ST6GAL2: variants seen among roughly 807,000 people sequenced by gnomAD.
ST6GAL2 encodes the protein beta-galactoside alpha-2,6-sialyltransferase 2.
Under a neutral mutation model 37.5 loss-of-function variants are expected in ST6GAL2, and 24 were observed. The ratio of observed to expected loss-of-function variants is 0.64; its 90% CI spans 0.46 to 0.90. The LOEUF (loss-of-function observed/expected upper bound fraction) is 0.90, where lower values mean the gene tolerates loss of function less well. Among genes scored for constraint, ST6GAL2 ranks in the 40% least tolerant of loss-of-function variants. The pLI is 0.00. For synonymous variants in ST6GAL2, 306 were observed against 295.1 expected (o/e 1.04, Z -0.38); for missense variants, 715 against 712.7 (o/e 1.00, Z -0.04).
At position 106,831,909 on chromosome 2, in the gene ST6GAL2, G is replaced by A. The variant is rs368759618; in HGVS notation, c.1143+656C>T. On this transcript the variant is annotated intron_variant, in intron 4 of 5. Transcript: ENST00000409382. ...GGCTAAATACTATCCATCTTTTCCA[G>A]CCCTCACTGATAAACAAGCATGCTG... Among the ~76,000 whole-genome samples, 36 of 152,252 alleles carry A rather than the reference G, an allele frequency of 2.4e-4. No homozygotes were observed. The South Asian group carries it at 6.2e-3, about 26-fold the overall frequency.
intron 2 of ST6GAL2, among the ~76,000 whole-genome samples, chr2:106,836,548 T>A (rs1032990050): frequency 6.6e-6 from 1 of 151,908 alleles, no homozygotes; most frequent in Non-Finnish European, 1.5e-5. Context: ...CTGAAAACTA[T>A]CAGCTAGGCA....
At position 106,806,929 on chromosome 2, in the gene ST6GAL2, T is replaced by C; in HGVS notation, c.1339A>G (p.Met447Val). Reference protein sequence around the residue: ...GFIGILIMMSMCREVHVYEYI... With the variant: ...GFIGILIMMSVCREVHVYEYI... ...TCATACACGTGCACCTCTCTGCACA[T>C]GGACATCATTATGAGGATTCCTGAC... Residue 447 changes from methionine to valine, a missense_variant, in exon 6 of 6, where the codon ATG (methionine) becomes GTG (valine). By Grantham distance (21) the Met-to-Val change is conservative. Transcript: ENST00000409382. The C allele has an allele frequency of 6.2e-7, 1 of 1,612,160 alleles. No homozygotes were observed. The highest frequency in any genetic ancestry group is 8.5e-7 in the Non-Finnish European group (1 of 1,178,434).
At position 106,843,138 on chromosome 2, in the gene ST6GAL2, C is replaced by T; in HGVS notation, c.840G>A (p.Val280=). 3 of 1,562,380 alleles carry T rather than the reference C, an allele frequency of 1.9e-6. No individual in the cohort carries two copies. The highest frequency in any genetic ancestry group is 2.6e-6 in the Non-Finnish European group (3 of 1,157,040). Residue 280 remains valine, a synonymous_variant, in exon 2 of 6, where the codon GTG becomes GTA. Coordinates refer to ENST00000409382, the MANE Select transcript of ST6GAL2 (RefSeq NM_001142351.2). ...PFSALGWRRL[V]PAVPLSQLHP... is the part of the protein sequence containing the mutation. ...GCAGCTGGCTCAGGGGCACGGCGGGCACCAGGCGCCGCCAGCCCAGCGCAG... is the reference window on the plus strand; with the variant it reads ...GCAGCTGGCTCAGGGGCACGGCGGGTACCAGGCGCCGCCAGCCCAGCGCAG...
Position 106,843,018 on chromosome 2 carries a change from C to G in ST6GAL2, c.943+17G>C. ...TGGCTCAAGACAGGGCGACCTGGTCCCCCCGCTGAGACCTACCTATTTCCT... is the reference window on the plus strand; with the variant it reads ...TGGCTCAAGACAGGGCGACCTGGTCGCCCCGCTGAGACCTACCTATTTCCT... On this transcript the variant is annotated intron_variant, in intron 2 of 5. Transcript: ENST00000409382. 7.3e-7 allele frequency: 1 copy of G among 1,377,624 alleles called. No individual in the cohort carries two copies. The highest frequency in any genetic ancestry group is 9.4e-7 in the Non-Finnish European group (1 of 1,061,664). The allele number at this position is 1,377,624 out of a possible 1,614,324, so 85.3% of individuals were successfully genotyped here. A position where few individuals can be genotyped will look rare whatever the true frequency, so the allele number is the denominator to read the frequency against.
chr2:106,873,695 T>G (rs758708170), intron 1 of ST6GAL2, among the ~76,000 whole-genome samples: 6 of 152,218 alleles, frequency 3.9e-5, no homozygotes, highest in Non-Finnish European at 5.9e-5. Flanking sequence ...AAATGAGAAT[T>G]TCAGGTTTTC....
At chr2:106,855,042 A>G (rs1364689096) in intron 1 of ST6GAL2, among the ~76,000 whole-genome samples, 4 of 152,160 alleles carry the variant, frequency 2.6e-5, no homozygotes, top group Non-Finnish European at 2.9e-5. Context: ...TGAGCTTATT[A>G]TAATTTATGC....
chr2:106,884,848 T>A (rs1383856920), intron 1 of ST6GAL2, among the ~76,000 whole-genome samples: 2 of 146,508 alleles, frequency 1.4e-5, no homozygotes, highest in Non-Finnish European at 3.0e-5. Flanking sequence ...TAAAAACAGG[T>A]TCAAGGCCAC....
intron 5 of ST6GAL2, among the ~76,000 whole-genome samples, chr2:106,824,167 A>G (rs1366193273): frequency 6.6e-6 from 1 of 152,234 alleles, no homozygotes; most frequent in Admixed American, 6.5e-5. Context: ...GATAGGAACA[A>G]ACACAAATGC....
chr2:106,860,577 C>T (rs1392800560), intron 1 of ST6GAL2, among the ~76,000 whole-genome samples: 3 of 152,122 alleles, frequency 2.0e-5, no homozygotes, highest in Non-Finnish European at 2.9e-5. Context: ...TACTGCAACA[C>T]GGGCAGGTAC....
chr2:106,823,600 G>T (rs1393500241), intron 5 of ST6GAL2, among the ~76,000 whole-genome samples: 1 of 151,966 alleles, frequency 6.6e-6, no homozygotes, highest in African/African-American at 2.4e-5. Flanking sequence ...CTGGGCTAGG[G>T]GTTGCTAATG....
In ST6GAL2 at chr2:106,806,465, C is replaced by T. The variant is rs577811084; in HGVS notation, c.*213G>A. On this transcript the variant is annotated 3_prime_UTR_variant, in exon 6 of 6. Transcript: ENST00000409382. ...TAGCTATCCTTGGTTTTGCATCTTT[C>T]TTGAGCCTTATTTTTTTAAAAAAAC... The T allele has an allele frequency of 3.5e-6, 2 of 566,968 alleles. No homozygotes were observed. Among genetic ancestry groups the T allele is most frequent in the Non-Finnish European group, 6.0e-6 (2 of 332,360 alleles). 35.1% of individuals were successfully genotyped at this position (566,968 alleles called of 1,614,324 possible). A position where few individuals can be genotyped will look rare whatever the true frequency, so the allele number is the denominator to read the frequency against.
Position 106,856,222 on chromosome 2 carries a change from C to CG in ST6GAL2, c.-57-12189_-57-12188insC, listed in dbSNP as rs1447771223. Among the ~76,000 whole-genome samples, 13 of 152,334 alleles carry CG rather than the reference C, an allele frequency of 8.5e-5. 1 individual carries two copies. The South Asian group carries it at 1.0e-3, about 12-fold the overall frequency. ...GTGCCTGCAGGCTGAGCTAAGCACT[C>CG]ATGTATTCCATCTTGGCTCCTAACT... On this transcript the variant is annotated intron_variant, in intron 1 of 5. Transcript: ENST00000409382.
chr2:106,864,575 A>C (rs1677945364), intron 1 of ST6GAL2, among the ~76,000 whole-genome samples: 1 of 152,264 alleles, frequency 6.6e-6, no homozygotes, highest in Non-Finnish European at 1.5e-5. Flanking sequence ...CTGGATTCAG[A>C]TACATTTCCA....
In ST6GAL2 at chr2:106,806,723, C is replaced by A; in HGVS notation, c.1545G>T (p.Gln515His). The change falls in exon 6 of 6, where the codon CAG becomes CAT. Residue 515 changes from glutamine to histidine, a missense_variant. Transcript: ENST00000409382. The part of the protein sequence containing the change: ...RKGKVVLPGF[Q>H]AVHCPAPSPV... The stretch of plus-strand genomic sequence containing the variant: ...GACTTGGTGCAGGGCAGTGCACCGC[C>A]TGGAAGCCGGGAAGAACCACCTTGC... 1 of 1,614,158 alleles carries A rather than the reference C, an allele frequency of 6.2e-7. No homozygotes were observed.
chr2:106,861,398 T>C (rs1677790518), intron 1 of ST6GAL2, among the ~76,000 whole-genome samples: 1 of 152,196 alleles, frequency 6.6e-6, no homozygotes, highest in South Asian at 2.1e-4. Flanking sequence ...TTGATGAGAA[T>C]ACCCATTTTT....
intron 5 of ST6GAL2, among the ~76,000 whole-genome samples, chr2:106,810,533 G>T (rs1573200931): frequency 6.6e-6 from 1 of 152,150 alleles, no homozygotes; most frequent in Non-Finnish European, 1.5e-5. Flanking sequence ...ACCATGGCTT[G>T]GAGCATCCTA....
At position 106,853,937 on chromosome 2, in the gene ST6GAL2, C is replaced by T. The variant is rs148061186; in HGVS notation, c.-57-9903G>A. Among the ~76,000 whole-genome samples the T allele has an allele frequency of 7.7e-3, 1,178 of 152,284 alleles. 20 individuals are homozygous for T. Among genetic ancestry groups the T allele is most frequent in the African/African-American group, 0.027 (1,104 of 41,554 alleles). The stretch of plus-strand genomic sequence containing the variant: ...TGGACTCAGTGGCCTGTTTGTTTTA[C>T]AATAATTAGCATTCAAATATTTATA... On this transcript the variant is annotated intron_variant, in intron 1 of 5. Transcript: ENST00000409382.
intron 5 of ST6GAL2, among the ~76,000 whole-genome samples, chr2:106,829,685 GT>G (rs373318964): frequency 8.4e-4 from 126 of 149,334 alleles, no homozygotes; most frequent in African/African-American, 2.6e-3. Context: ...TTACACGAGT[GT>G]TTTTTTTTTC....
At chr2:106,869,212 T>A (rs1439231797) in intron 1 of ST6GAL2, among the ~76,000 whole-genome samples, 1 of 151,856 alleles carries the variant, frequency 6.6e-6, no homozygotes, top group Non-Finnish European at 1.5e-5. Context: ...AGCTGCAGAC[T>A]CCCTAGAATT....
Sources: allele counts gnomAD v4.1 joint callset (sites outside exome capture counted in the v4.1 genomes callset), GRCh38; gene constraint gnomAD v4.1.1; transcripts MANE v1.5; gene names NCBI Gene and HGNC (gene_info 2026-07-23, HGNC 2026-07-21).